The following MYOZ2 variants were observed in gnomAD, a reference collection of about 807,000 sequenced individuals.
The protein encoded by MYOZ2 is myozenin 2.
MYOZ2 carries 19 observed loss-of-function variants against 25.4 expected under a neutral mutation model. That is an observed-to-expected ratio of 0.75 (90% CI 0.52 to 1.10). MYOZ2 has a LOEUF of 1.10. Ranked by LOEUF, MYOZ2 falls within the 50% of genes least tolerant of loss-of-function variation. The pLI is 0.00. For synonymous variants in MYOZ2, 92 were observed against 106.9 expected (o/e 0.86, Z 0.86); for missense variants, 270 against 317.9 (o/e 0.85, Z 1.15).
intron 4 of MYOZ2, among the ~76,000 whole-genome samples, chr4:119,160,120 T>C (rs932528068): frequency 3.3e-5 from 5 of 152,276 alleles, no homozygotes; most frequent in African/African-American, 1.2e-4. Context: ...ATCTGTAAAA[T>C]AGAGAAAGAA....
chr4:119,174,192 A>G (rs1194162202), intron 5 of MYOZ2, among the ~76,000 whole-genome samples: 1 of 152,248 alleles, frequency 6.6e-6, no homozygotes, highest in Non-Finnish European at 1.5e-5. Flanking sequence ...CAGGACTGGC[A>G]GGCAGCTCCA....
chr4:119,178,319 T>C (rs1333948536), intron 5 of MYOZ2, among the ~76,000 whole-genome samples: 1 of 152,154 alleles, frequency 6.6e-6, no homozygotes, highest in African/African-American at 2.4e-5. Flanking sequence ...GGTTCTAATA[T>C]CACCTGTGTG....
At chr4:119,173,324 T>C (rs1472682672) in intron 5 of MYOZ2, among the ~76,000 whole-genome samples, 1 of 152,212 alleles carries the variant, frequency 6.6e-6, no homozygotes, top group Non-Finnish European at 1.5e-5. Context: ...ACTGGGGAGA[T>C]AGATGCACAG....
chr4:119,163,915 A>G (rs1741762322), intron 4 of MYOZ2, among the ~76,000 whole-genome samples: 1 of 152,190 alleles, frequency 6.6e-6, no homozygotes, highest in African/African-American at 2.4e-5. Flanking sequence ...AATTTTTAGA[A>G]AACTAAATGA....
At chr4:119,180,155 G>T (rs905100002) in intron 5 of MYOZ2, among the ~76,000 whole-genome samples, 1 of 152,186 alleles carries the variant, frequency 6.6e-6, no homozygotes, top group African/African-American at 2.4e-5. Context: ...AGGCTAGCTA[G>T]TCTGACTCCT....
At position 119,174,072 on chromosome 4, in the gene MYOZ2, C is replaced by A. The variant is rs565154187; in HGVS notation, c.560+9678C>A. On this transcript the variant is annotated intron_variant, in intron 5 of 5. Transcript: ENST00000307128. ...CCCGCCATGCCTGAGCCTCCCACCC[C>A]CTCCATGGGCTCGTGGGCCGCCTGA... is the stretch of plus-strand genomic sequence containing the variant. Among the ~76,000 whole-genome samples the A allele has an allele frequency of 3.3e-5, 5 of 152,354 alleles. No homozygotes were observed. In the South Asian group the frequency reaches 6.2e-4, roughly 19 times the overall value.
At chr4:119,158,290 G>A (rs1578734945) in intron 4 of MYOZ2, 139 bp downstream of exon 4, 4 of 1,185,818 alleles carry the variant, frequency 3.4e-6, no homozygotes, top group African/African-American at 1.5e-5. Flanking sequence ...CCCCAGGCAC[G>A]GTGGCTCCCA....
At chr4:119,142,245 A>G (rs1282142740) in intron 2 of MYOZ2, among the ~76,000 whole-genome samples, 2 of 152,236 alleles carry the variant, frequency 1.3e-5, no homozygotes, top group Non-Finnish European at 2.9e-5. Flanking sequence ...ATGCAGTAGT[A>G]GAACATTACA....
At chr4:119,147,352 T>C (rs902430145) in intron 2 of MYOZ2, among the ~76,000 whole-genome samples, 2 of 152,110 alleles carry the variant, frequency 1.3e-5, no homozygotes, top group African/African-American at 4.8e-5. Flanking sequence ...TCTGTTCATA[T>C]AGCTTTCAGG....
intron 2 of MYOZ2, among the ~76,000 whole-genome samples, chr4:119,137,688 G>C (rs1044930792): frequency 1.3e-5 from 2 of 152,018 alleles, no homozygotes; most frequent in African/African-American, 4.8e-5. Flanking sequence ...GATTCAACTT[G>C]GTTCTCATGT....
At chr4:119,144,159 C>T (rs1741235539) in intron 2 of MYOZ2, among the ~76,000 whole-genome samples, 1 of 152,172 alleles carries the variant, frequency 6.6e-6, no homozygotes, top group Non-Finnish European at 1.5e-5. Flanking sequence ...CACTATTCTG[C>T]TCTCCATTTC....
intron 2 of MYOZ2, among the ~76,000 whole-genome samples, chr4:119,149,126 G>A (rs1462936532): frequency 1.3e-5 from 2 of 152,088 alleles, no homozygotes; most frequent in East Asian, 1.9e-4. Context: ...GGTGAATGTA[G>A]AAGTCTGGGT....
At chr4:119,146,220 C>T (rs1741286839) in intron 2 of MYOZ2, among the ~76,000 whole-genome samples, 1 of 151,758 alleles carries the variant, frequency 6.6e-6, no homozygotes. Flanking sequence ...TTTTTTATTT[C>T]ACTGGTTTCT....
intron 5 of MYOZ2, among the ~76,000 whole-genome samples, chr4:119,185,157 T>A (rs1478106313): frequency 6.7e-6 from 1 of 149,564 alleles, no homozygotes; most frequent in Non-Finnish European, 1.5e-5. Context: ...TTTCGTTTCC[T>A]TTCCCTTCTC....
At chr4:119,149,276 C>T (rs1330433720) in intron 2 of MYOZ2, among the ~76,000 whole-genome samples, 1 of 152,196 alleles carries the variant, frequency 6.6e-6, no homozygotes, top group Non-Finnish European at 1.5e-5. Flanking sequence ...ATGAAAGTCC[C>T]AACTTCCCAC....
chr4:119,173,530 T>C (rs1426367869), intron 5 of MYOZ2, among the ~76,000 whole-genome samples: 2 of 152,254 alleles, frequency 1.3e-5, no homozygotes, highest in African/African-American at 4.8e-5. Flanking sequence ...AAACAGGATG[T>C]AGCCTCAATG....
Position 119,158,026 on chromosome 4 carries a change from G to C in MYOZ2, c.251G>C (p.Ser84Thr). The C allele has an allele frequency of 6.2e-7, 1 of 1,613,980 alleles. No individual in the cohort carries two copies. Among genetic ancestry groups the C allele is most frequent in the Non-Finnish European group, 8.5e-7 (1 of 1,179,904 alleles). ...QYQSRAQINH[S>T]IAMQNGKVDG... ...TTTACTTTTGATTAAATACAGCACA[G>C]TATTGCTATGCAGAATGGGAAAGTG... The change falls in exon 4 of 6, where the codon AGT becomes ACT. Residue 84 changes from serine to threonine, a missense_variant. By Grantham distance (58) the Ser-to-Thr change is moderately conservative. Coordinates refer to ENST00000307128, the MANE Select transcript of MYOZ2 (RefSeq NM_016599.5).
At chr4:119,140,607 A>G (rs1741141916) in intron 2 of MYOZ2, among the ~76,000 whole-genome samples, 2 of 152,228 alleles carry the variant, frequency 1.3e-5, no homozygotes, top group South Asian at 4.1e-4. Flanking sequence ...GAAAATGAGT[A>G]CAAGAGAACT....
rs535145213 is a variant in MYOZ2, at chr4:119,174,091, C to T, written c.560+9697C>T. On this transcript the variant is annotated intron_variant, in intron 5 of 5. Coordinates refer to ENST00000307128, the MANE Select transcript of MYOZ2 (RefSeq NM_016599.5). The stretch of plus-strand genomic sequence containing the variant: ...CCACCCCCTCCATGGGCTCGTGGGC[C>T]GCCTGAGCCTCCCCGACGAGTGCCA... Among the ~76,000 whole-genome samples, 603 of 152,300 alleles carry T rather than the reference C, an allele frequency of 4.0e-3. 8 individuals are homozygous for T. Among genetic ancestry groups the T allele is most frequent in the African/African-American group, 0.014 (580 of 41,570 alleles).
Sources: gnomAD v4.1 joint callset for allele counts (sites outside exome capture counted in the v4.1 genomes callset) on GRCh38, gnomAD v4.1.1 for gene constraint, MANE v1.5 for transcripts, NCBI Gene and HGNC (gene_info 2026-07-23, HGNC 2026-07-21) for gene names.